AKAP6: variants seen among roughly 807,000 people sequenced by gnomAD.
The protein encoded by AKAP6 is A-kinase anchoring protein 6.
A neutral mutation model predicts 188.5 loss-of-function variants in AKAP6; 58 were observed. That is an observed-to-expected ratio of 0.31 (90% CI 0.25 to 0.38). The LOEUF (loss-of-function observed/expected upper bound fraction) is 0.38. AKAP6 is among the 10% of genes least tolerant of loss of function. The pLI, the probability that AKAP6 is intolerant of heterozygous loss-of-function variation, is 1.00. For synonymous variants in AKAP6, 989 were observed against 998.6 expected, an observed-to-expected ratio of 0.99 and a Z score of 0.18; for missense variants, 2,710 against 2,740.0, an observed-to-expected ratio of 0.99 and a Z score of 0.24.
chr14:32,459,950 A>G (rs1891268751), intron 2 of AKAP6, among the ~76,000 whole-genome samples: 1 of 152,224 alleles, frequency 6.6e-6, no homozygotes, highest in African/African-American at 2.4e-5. Flanking sequence ...AGAAATATCC[A>G]TGTAAGGACT....
chr14:32,391,461 A>AT (rs1474205875), intron 1 of AKAP6, among the ~76,000 whole-genome samples: 1 of 152,196 alleles, frequency 6.6e-6, no homozygotes, highest in East Asian at 1.9e-4. Context: ...TTCTAAACAA[A>AT]TATGTGAAAA....
intron 1 of AKAP6, among the ~76,000 whole-genome samples, chr14:32,396,091 T>G (rs1169857693): frequency 6.6e-6 from 1 of 152,192 alleles, no homozygotes; most frequent in African/African-American, 2.4e-5. Flanking sequence ...ACTGCTACTA[T>G]TTAATTTAAA....
intron 4 of AKAP6, among the ~76,000 whole-genome samples, chr14:32,558,086 G>A (rs1454349715): frequency 6.6e-6 from 1 of 152,100 alleles, no homozygotes; most frequent in African/African-American, 2.4e-5. Flanking sequence ...CTAGGATTTA[G>A]TTAAATACCA....
intron 2 of AKAP6, among the ~76,000 whole-genome samples, chr14:32,512,125 G>A (rs1001282893): frequency 2.0e-5 from 3 of 152,140 alleles, no homozygotes; most frequent in Admixed American, 2.0e-4. Context: ...TGGTGGGATG[G>A]GCATAAGATT....
chr14:32,360,751 G>GT (rs1887631388), intron 1 of AKAP6, among the ~76,000 whole-genome samples: 1 of 146,652 alleles, frequency 6.8e-6, no homozygotes, highest in Non-Finnish European at 1.5e-5. Flanking sequence ...GTGTGTGTGT[G>GT]CATGCATTTT....
chr14:32,369,186 T>G (rs1887932775), intron 1 of AKAP6, among the ~76,000 whole-genome samples: 1 of 152,172 alleles, frequency 6.6e-6, no homozygotes, highest in Admixed American at 6.6e-5. Context: ...TAGCCAGGAC[T>G]GCTACCAAGA....
At chr14:32,736,052 A>G (rs2031406479) in intron 11 of AKAP6, among the ~76,000 whole-genome samples, 170 bp downstream of exon 11, 1 of 152,194 alleles carries the variant, frequency 6.6e-6, no homozygotes, top group Non-Finnish European at 1.5e-5. Flanking sequence ...CTATGTGTAT[A>G]AAGATGAACA....
At chr14:32,774,055 T>G in intron 12 of AKAP6, 162 bp downstream of exon 12, 1 of 680,258 alleles carries the variant, frequency 1.5e-6, no homozygotes, top group Non-Finnish European at 2.5e-6. Flanking sequence ...AAGCTCATAG[T>G]TTTACTACGA....
At chr14:32,357,929 A>G (rs1887536597) in intron 1 of AKAP6, among the ~76,000 whole-genome samples, 1 of 152,208 alleles carries the variant, frequency 6.6e-6, no homozygotes, top group Non-Finnish European at 1.5e-5. Context: ...TTTTGCTACC[A>G]GTTATTTATT....
chr14:32,688,566 G>C (rs1199291416), intron 8 of AKAP6, among the ~76,000 whole-genome samples: 1 of 152,092 alleles, frequency 6.6e-6, no homozygotes, highest in Non-Finnish European at 1.5e-5. Flanking sequence ...AGAATTCATA[G>C]TGTCCTATGA....
chr14:32,764,720 A>T (rs975148841), intron 11 of AKAP6, among the ~76,000 whole-genome samples: 1 of 131,102 alleles, frequency 7.6e-6, no homozygotes, highest in African/African-American at 2.8e-5. Flanking sequence ...ACACACACGC[A>T]CACACACATA....
intron 2 of AKAP6, among the ~76,000 whole-genome samples, chr14:32,506,750 C>T (rs934416711): frequency 2.0e-5 from 3 of 150,100 alleles, no homozygotes; most frequent in Non-Finnish European, 4.4e-5. Flanking sequence ...CCAGGCTGGT[C>T]TTGAACTCTT....
At chr14:32,454,719 CTCTCCT>C (rs1891075999) in intron 2 of AKAP6, among the ~76,000 whole-genome samples, 3 of 31,578 alleles carry the variant, frequency 9.5e-5, no homozygotes, top group Admixed American at 3.6e-4. Flanking sequence ...TTCCCTCCTT[CTCTCCT>C]TCCCTCCTTC....
At position 32,355,551 on chromosome 14, in the gene AKAP6, GAAATGTAATTAGAA is replaced by G. The variant is rs543043391; in HGVS notation, c.-35+26148_-35+26161del. 2.4e-3 allele frequency among the ~76,000 whole-genome samples: 366 copies of G among 152,232 alleles called. 2 individuals are homozygous for G. Among genetic ancestry groups the G allele is most frequent in the African/African-American group, 8.4e-3 (349 of 41,538 alleles). On this transcript the variant is annotated intron_variant, in intron 1 of 13. Transcript: ENST00000280979. ...AATTACAAAAAAATCAAAATATGCT[GAAATGTAATTAGAA>G]AAATATTTCTAAAAATTGTGATATA... is the stretch of plus-strand genomic sequence containing the variant.
At chr14:32,330,713 ATTTTTTTTTTTTTTTT>A (rs35147196) in intron 1 of AKAP6, among the ~76,000 whole-genome samples, 3 of 62,360 alleles carry the variant, frequency 4.8e-5, no homozygotes, top group African/African-American at 2.2e-4. Flanking sequence ...GCTTGGAGTG[ATTTTTTTTTTTTTTTT>A]TTTTTTTTTT....
chr14:32,397,350 A>G (rs1185473759), intron 1 of AKAP6, among the ~76,000 whole-genome samples: 2 of 151,694 alleles, frequency 1.3e-5, no homozygotes, highest in East Asian at 3.9e-4. Context: ...ATAATGGTAC[A>G]GAAGTTATCA....
chr14:32,714,509 A>G (rs994432133), intron 9 of AKAP6, among the ~76,000 whole-genome samples: 2 of 152,020 alleles, frequency 1.3e-5, no homozygotes, highest in African/African-American at 4.8e-5. Context: ...CAGACCATAA[A>G]AACATAAATA....
At chr14:32,585,310 G>A (rs899916076) in intron 5 of AKAP6, among the ~76,000 whole-genome samples, 12 of 152,240 alleles carry the variant, frequency 7.9e-5, no homozygotes, top group African/African-American at 2.9e-4. Context: ...GCAAGATGTA[G>A]GAAAAACAAT....
At chr14:32,774,520 G>A (rs2032994943) in intron 12 of AKAP6, among the ~76,000 whole-genome samples, 1 of 152,152 alleles carries the variant, frequency 6.6e-6, no homozygotes, top group African/African-American at 2.4e-5. Flanking sequence ...TCCTTTTAAG[G>A]ATTTTCCAAA....
Sources: gnomAD v4.1 joint callset for allele counts (sites outside exome capture counted in the v4.1 genomes callset) on GRCh38, gnomAD v4.1.1 for gene constraint, MANE v1.5 for transcripts, NCBI Gene and HGNC (gene_info 2026-07-23, HGNC 2026-07-21) for gene names.